Variants in COL4A4 observed in about 807,000 individuals in gnomAD.
COL4A4 encodes collagen alpha-4(IV) chain.
COL4A4 carries 105 observed loss-of-function variants against 192.9 expected under a neutral mutation model. The ratio of observed to expected loss-of-function variants is 0.54; its 90% CI spans 0.46 to 0.64. COL4A4 has a LOEUF of 0.64. Among genes scored for constraint, COL4A4 ranks in the 30% least tolerant of loss-of-function variants. The pLI is 0.00. For synonymous variants in COL4A4, 762 were observed against 769.9 expected, an observed-to-expected ratio of 0.99 and a Z score of 0.17; for missense variants, 1,967 against 2,169.3, an observed-to-expected ratio of 0.91 and a Z score of 1.85.
At chr2:227,109,081 G>A (rs1253048704) in intron 10 of COL4A4, 143 bp downstream of exon 10, 1 of 924,968 alleles carries the variant, frequency 1.1e-6, no homozygotes, top group South Asian at 1.3e-5. Context: ...GAGTCCCACT[G>A]ATAATGGTGG....
intron 35 of COL4A4, among the ~76,000 whole-genome samples, chr2:227,046,129 G>A (rs935402327): frequency 2.2e-5 from 3 of 139,508 alleles, no homozygotes; most frequent in African/African-American, 5.6e-5. Flanking sequence ...GTTCATGTCA[G>A]AGGTGAAAGA....
chr2:226,995,554 T>C, the COL4A4 span: 3 of 1,419,254 alleles, frequency 2.1e-6, no homozygotes, highest in East Asian at 6.9e-5. Context: ...GGCCTATTCG[T>C]GTAATTATTG....
chr2:227,053,056 C>T (rs1415606500), intron 31 of COL4A4, among the ~76,000 whole-genome samples: 1 of 151,568 alleles, frequency 6.6e-6, no homozygotes, highest in Non-Finnish European at 1.5e-5. Context: ...TATGCCATGA[C>T]ACTCAGCAAA....
chr2:226,979,252 G>A, the COL4A4 span, among the ~76,000 whole-genome samples: 2 of 152,148 alleles, frequency 1.3e-5, no homozygotes, highest in Admixed American at 1.3e-4. Context: ...TTTCTCCTCA[G>A]TTCAGCTAAA....
intron 4 of COL4A4, among the ~76,000 whole-genome samples, chr2:227,128,861 C>A (rs946583768): frequency 2.6e-5 from 4 of 152,094 alleles, no homozygotes; most frequent in Non-Finnish European, 5.9e-5. Flanking sequence ...TTCCTGGTGT[C>A]ATTGCTTTCA....
rs771370326 is a variant in COL4A4 at position 227,101,919 on chromosome 2, T to G, written c.931-10A>C. ...AGGAACCAGGATCCCCCTAATAAATTCACAAAAATCAGGATAAACAGAATT... is the reference window on the plus strand; with the variant it reads ...AGGAACCAGGATCCCCCTAATAAATGCACAAAAATCAGGATAAACAGAATT... On this transcript the variant is annotated splice_polypyrimidine_tract_variant and intron_variant, in intron 15 of 47. Coordinates refer to ENST00000396625, the MANE Select transcript of COL4A4 (RefSeq NM_000092.5). 2.5e-6 allele frequency: 4 copies of G among 1,591,650 alleles called. No homozygotes were observed. Among genetic ancestry groups the G allele is most frequent in the Non-Finnish European group, 3.4e-6 (4 of 1,164,612 alleles).
intron 1 of COL4A4, among the ~76,000 whole-genome samples, chr2:227,150,539 T>C (rs957503131): frequency 3.3e-5 from 5 of 152,204 alleles, no homozygotes; most frequent in African/African-American, 1.2e-4. Context: ...TATACACTTT[T>C]GTATTAGTCC....
intron 24 of COL4A4, among the ~76,000 whole-genome samples, chr2:227,080,086 G>A (rs963719758): frequency 5.3e-5 from 8 of 151,952 alleles, no homozygotes; most frequent in Non-Finnish European, 7.4e-5. Flanking sequence ...GCTAAACATC[G>A]GGACCCGAGC....
At chr2:227,100,378 CATA>C (rs1355154150) in intron 17 of COL4A4, among the ~76,000 whole-genome samples, 2 of 151,788 alleles carry the variant, frequency 1.3e-5, no homozygotes, top group Non-Finnish European at 2.9e-5. Flanking sequence ...GATAATCATG[CATA>C]ATAACACACA....
chr2:227,084,146 G>A (rs563704754), intron 22 of COL4A4, among the ~76,000 whole-genome samples: 11 of 152,228 alleles, frequency 7.2e-5, no homozygotes, highest in South Asian at 2.1e-4. Flanking sequence ...ACTAATGTAG[G>A]TTGGGTTTTC....
chr2:227,001,263 T>C (rs1454419088), downstream of COL4A4, among the ~76,000 whole-genome samples: 1 of 151,898 alleles, frequency 6.6e-6, no homozygotes, highest in African/African-American at 2.4e-5. Flanking sequence ...CCCAGCTAAT[T>C]TTTTGTATTT....
At chr2:226,971,641 ATG>A in the COL4A4 span, among the ~76,000 whole-genome samples, 1 of 152,250 alleles carries the variant, frequency 6.6e-6, no homozygotes, top group Non-Finnish European at 1.5e-5. Flanking sequence ...TATGGGATAA[ATG>A]TGGCTACTAA....
chr2:227,078,585 G>A (rs958699709), intron 24 of COL4A4, among the ~76,000 whole-genome samples: 4 of 152,184 alleles, frequency 2.6e-5, no homozygotes, highest in East Asian at 3.9e-4. Context: ...AAGCATGTGT[G>A]TTAAGCCTCA....
intron 37 of COL4A4, among the ~76,000 whole-genome samples, chr2:227,041,253 T>A (rs1435366169): frequency 6.6e-6 from 1 of 152,144 alleles, no homozygotes; most frequent in Non-Finnish European, 1.5e-5. Flanking sequence ...ACACCCAGCA[T>A]CTAGCACAGA....
intron 21 of COL4A4, among the ~76,000 whole-genome samples, chr2:227,089,563 C>T (rs1195210517): frequency 3.0e-5 from 4 of 134,834 alleles, no homozygotes; most frequent in African/African-American, 5.5e-5. Flanking sequence ...CATTTGCAGA[C>T]AAAATTCATG....
chr2:227,128,764 C>T (rs2062238571), intron 4 of COL4A4, among the ~76,000 whole-genome samples: 1 of 152,146 alleles, frequency 6.6e-6, no homozygotes, highest in South Asian at 2.1e-4. Flanking sequence ...ACGGGTTCCA[C>T]AAGCACCAAT....
Position 227,006,007 on chromosome 2 carries a change from G to A in COL4A4, c.*1318C>T, listed in dbSNP as rs1295765428. On this transcript the variant is annotated 3_prime_UTR_variant, in exon 48 of 48. Transcript: ENST00000396625. Reference sequence around the variant, plus strand: ...TTTTTAGAAAATACTAATGCCAAATGTCAAACTGTTGCCTTGGTACAAGAC... The same window carrying A: ...TTTTTAGAAAATACTAATGCCAAATATCAAACTGTTGCCTTGGTACAAGAC... 1 of 152,442 alleles carries A rather than the reference G, an allele frequency of 6.6e-6. No homozygotes were observed. Among genetic ancestry groups the A allele is most frequent in the Non-Finnish European group, 1.5e-5 (1 of 68,032 alleles). The allele number at this position is 152,442 out of a possible 1,614,324, so 9.4% of individuals were successfully genotyped here.
At chr2:226,971,753 C>T in the COL4A4 span, among the ~76,000 whole-genome samples, 1 of 151,796 alleles carries the variant, frequency 6.6e-6, no homozygotes, top group Non-Finnish European at 1.5e-5. Flanking sequence ...GACATTTGCT[C>T]TAAGTTATCT....
chr2:227,042,269 G>A lies in COL4A4; in HGVS notation c.3398-14C>T. ...TCCCGTGATCACCTGAGGATGACAG[G>A]GAAGTTTTGCAGATGGCCAGATAAT... On this transcript the variant is annotated splice_polypyrimidine_tract_variant and intron_variant, in intron 36 of 47. Coordinates refer to ENST00000396625, the MANE Select transcript of COL4A4 (RefSeq NM_000092.5). 7 of 1,540,694 alleles carry A rather than the reference G, an allele frequency of 4.5e-6. No homozygotes were observed. Among genetic ancestry groups the A allele is most frequent in the Non-Finnish European group, 6.3e-6 (7 of 1,113,234 alleles).
Sources: allele counts gnomAD v4.1 joint callset (sites outside exome capture counted in the v4.1 genomes callset), GRCh38; gene constraint gnomAD v4.1.1; transcripts MANE v1.5; gene names NCBI Gene and HGNC (gene_info 2026-07-23, HGNC 2026-07-21).